The following CLIC5 variants were observed in gnomAD, a reference collection of about 807,000 sequenced individuals.
The protein encoded by CLIC5 is CLIC family member 5.
Under a neutral mutation model 24.7 loss-of-function variants are expected in CLIC5, and 20 were observed. That is an observed-to-expected ratio of 0.81 (90% confidence interval 0.57 to 1.18). The LOEUF is 1.18. Among genes scored for constraint, CLIC5 ranks in the 50% most tolerant of loss-of-function variants. The pLI is 0.00. For missense variants in CLIC5, 341 were observed against 326.1 expected (o/e 1.05, Z -0.35); for synonymous variants, 159 against 135.6 (o/e 1.17, Z -1.20).
At chr6:45,914,039 T>C (rs1762918257) in intron 5 of CLIC5, among the ~76,000 whole-genome samples, 189 bp downstream of exon 5, 1 of 152,128 alleles carries the variant, frequency 6.6e-6, no homozygotes, top group Admixed American at 6.5e-5. Flanking sequence ...ATTTTATAAA[T>C]GAAAACTGAA....
At chr6:45,971,893 A>G (rs1429955711) in intron 1 of CLIC5, among the ~76,000 whole-genome samples, 2 of 152,134 alleles carry the variant, frequency 1.3e-5, no homozygotes, top group Admixed American at 6.5e-5. Context: ...ATTTTCCCCT[A>G]TGTCCTCCTA....
the CLIC5 span, among the ~76,000 whole-genome samples, chr6:46,090,594 A>G: frequency 6.6e-6 from 1 of 152,222 alleles, no homozygotes; most frequent in Non-Finnish European, 1.5e-5. Context: ...ATTGACAAGT[A>G]AAAATTGTAT....
intron 6 of CLIC5, chr6:45,892,293 A>G (rs1484068002): frequency 2.0e-5 from 3 of 152,240 alleles, no homozygotes. Context: ...TAATGTAAGC[A>G]TGTACTACTT....
At chr6:46,101,874 C>T in the CLIC5 span, among the ~76,000 whole-genome samples, 1 of 151,826 alleles carries the variant, frequency 6.6e-6, no homozygotes, top group South Asian at 2.1e-4. Flanking sequence ...AGCTAAATAC[C>T]CCTAGAAATA....
At chr6:45,960,990 T>C (rs4714896) in intron 1 of CLIC5, among the ~76,000 whole-genome samples, 47,833 of 152,126 alleles carry the variant, frequency 0.31, 8,145 homozygotes, top group Non-Finnish European at 0.36. Context: ...TAGTTAAAAC[T>C]TCATGTTGAA....
Position 45,903,268 on chromosome 6 carries a change from T to C in CLIC5, c.589-13A>G, listed in dbSNP as rs1762559545. 1 of 1,511,926 alleles carries C rather than the reference T, an allele frequency of 6.6e-7. No homozygotes were observed. The highest frequency in any genetic ancestry group is 9.0e-7 in the Non-Finnish European group (1 of 1,111,630). The allele number at this position is 1,511,926 out of a possible 1,614,324, so 93.7% of individuals were successfully genotyped here. On this transcript the variant is annotated splice_polypyrimidine_tract_variant and intron_variant, in intron 5 of 5. Transcript: ENST00000339561. ...TCTTGGCCACAATCTAAAACAGAGA[T>C]GGCAGGACAGAGGTGGTGTGAAGGC... is the stretch of plus-strand genomic sequence containing the variant.
At chr6:45,996,485 A>G (rs1766144792) in intron 1 of CLIC5, among the ~76,000 whole-genome samples, 1 of 152,276 alleles carries the variant, frequency 6.6e-6, no homozygotes, top group East Asian at 1.9e-4. Context: ...TTTAGGTCTA[A>G]AGTTTAAGTC....
intron 1 of CLIC5, among the ~76,000 whole-genome samples, chr6:46,009,817 T>C (rs931465404): frequency 6.6e-6 from 1 of 152,328 alleles, no homozygotes; most frequent in East Asian, 1.9e-4. Context: ...GAAGCAGTTA[T>C]GTAGGAGCTT....
rs1438799367 is a variant in CLIC5 at position 45,903,166 on chromosome 6, C to T, written c.678G>A (p.Glu226=). 3 of 1,614,044 alleles carry T rather than the reference C, an allele frequency of 1.9e-6. No individual in the cohort carries two copies. Among genetic ancestry groups the T allele is most frequent in the Non-Finnish European group, 2.5e-6 (3 of 1,180,020 alleles). The change falls in exon 6 of 6, where the codon GAG becomes GAA. Residue 226 remains glutamate, a synonymous_variant. Coordinates refer to ENST00000339561, the MANE Select transcript of CLIC5 (RefSeq NM_016929.5). The stretch of plus-strand genomic sequence containing the variant: ...TGTCAGCTGCACAGGTGTTGGTGAA[C>T]TCATCACGGGCATAGGCGTTCTTGA... The part of the protein sequence containing the change: ...RYLKNAYARD[E]FTNTCAADSE...
intron 4 of CLIC5, chr6:45,937,590 T>A (rs761637244): frequency 2.0e-5 from 3 of 152,266 alleles, no homozygotes; most frequent in African/African-American, 7.2e-5. Context: ...TGGAGGGCAA[T>A]GACTTTGTCT....
At chr6:46,099,236 G>A in the CLIC5 span, among the ~76,000 whole-genome samples, 5 of 152,138 alleles carry the variant, frequency 3.3e-5, no homozygotes, top group African/African-American at 1.2e-4. Flanking sequence ...AACTCTTGTT[G>A]GTCTTTAGGA....
chr6:46,082,789 C>A (rs557899794), upstream of CLIC5, among the ~76,000 whole-genome samples: 1 of 149,168 alleles, frequency 6.7e-6, no homozygotes, highest in Non-Finnish European at 1.5e-5. Context: ...TTACTAAAAA[C>A]CCTTACCCTA....
intron 1 of CLIC5, among the ~76,000 whole-genome samples, chr6:46,064,852 A>G (rs1463324588): frequency 2.0e-5 from 3 of 152,278 alleles, no homozygotes; most frequent in South Asian, 2.1e-4. Context: ...AAAACAAAAA[A>G]TCTTTGTGAC....
intron 6 of CLIC5, among the ~76,000 whole-genome samples, chr6:45,884,256 A>C (rs1762285110): frequency 6.6e-6 from 1 of 152,198 alleles, no homozygotes; most frequent in African/African-American, 2.4e-5. Flanking sequence ...CCTTAAGCAT[A>C]GGCATCTAAA....
At chr6:46,036,519 C>G (rs931259815) in intron 1 of CLIC5, among the ~76,000 whole-genome samples, 15 of 152,038 alleles carry the variant, frequency 9.9e-5, no homozygotes, top group African/African-American at 3.6e-4. Context: ...ACCATGTTAG[C>G]CAGAATGGTC....
chr6:45,911,110 C>A (rs1762804149), intron 5 of CLIC5, among the ~76,000 whole-genome samples: 1 of 152,188 alleles, frequency 6.6e-6, no homozygotes, highest in South Asian at 2.1e-4. Flanking sequence ...ATCTACAGAG[C>A]CCCTAAGTTT....
intron 1 of CLIC5, among the ~76,000 whole-genome samples, chr6:46,025,812 G>C (rs893297804): frequency 1.3e-5 from 2 of 152,134 alleles, no homozygotes; most frequent in South Asian, 2.1e-4. Context: ...CCCCCTTGCT[G>C]TTCTCATGAT....
At chr6:45,970,809 C>T (rs565269467) in intron 1 of CLIC5, among the ~76,000 whole-genome samples, 12 of 152,170 alleles carry the variant, frequency 7.9e-5, no homozygotes, top group South Asian at 6.2e-4. Flanking sequence ...GTCACTGTCT[C>T]GATCTGGCAT....
rs9969070 is a variant in CLIC5, at chr6:45,901,489, A to G, written c.*1599T>C. 19,255 of 152,058 alleles carry G rather than the reference A, an allele frequency of 0.13. 1,995 individuals carry two copies. Among genetic ancestry groups the G allele is most frequent in the African/African-American group, 0.28 (11,589 of 41,428 alleles). 9.4% of individuals were successfully genotyped at this position (152,058 alleles called of 1,614,324 possible). A position where few individuals can be genotyped will look rare whatever the true frequency, so the allele number is the denominator to read the frequency against. ...TATTTCTATGGAAAGGACCCGTGCT[A>G]TCCTGCCCTTGCTGAGAAATGAGCC... On this transcript the variant is annotated 3_prime_UTR_variant, in exon 6 of 6. Coordinates refer to ENST00000339561, the MANE Select transcript of CLIC5 (RefSeq NM_016929.5).
Sources: gnomAD v4.1 joint callset for allele counts (sites outside exome capture counted in the v4.1 genomes callset) on GRCh38, gnomAD v4.1.1 for gene constraint, MANE v1.5 for transcripts, NCBI Gene and HGNC (gene_info 2026-07-23, HGNC 2026-07-21) for gene names.